Variants in BAZ2B observed in about 807,000 individuals in gnomAD.
BAZ2B encodes bromodomain adjacent to zinc finger domain 2B.
In BAZ2B, 91 loss-of-function variants were observed where a neutral mutation model predicts 246.0. The ratio of observed to expected loss-of-function variants is 0.37; its 90% confidence interval spans 0.31 to 0.44. BAZ2B has a LOEUF of 0.44. Ranked by LOEUF, BAZ2B falls within the 20% of genes least tolerant of loss-of-function variation. The pLI, the probability that BAZ2B is intolerant of heterozygous loss-of-function variation, is 1.00. For missense variants in BAZ2B, 2,332 were observed against 2,533.7 expected (o/e 0.92, Z 1.71); for synonymous variants, 855 against 860.0 (o/e 0.99, Z 0.10).
chr2:159,349,424 C>T (rs1212408264), intron 28 of BAZ2B, 144 bp from the exon 29 acceptor site: 2 of 958,808 alleles, frequency 2.1e-6, no homozygotes, highest in South Asian at 2.0e-5. Context: ...ACATTAGCAA[C>T]AAAAATGTTA....
At chr2:159,439,954 A>G (rs2150294803) in intron 6 of BAZ2B, among the ~76,000 whole-genome samples, 1 of 152,296 alleles carries the variant, frequency 6.6e-6, no homozygotes, top group South Asian at 2.1e-4. Context: ...AGCTGGTAGA[A>G]AGTGGTTATT....
intron 1 of BAZ2B, among the ~76,000 whole-genome samples, chr2:159,561,615 C>CA: frequency 6.6e-6 from 1 of 152,158 alleles, no homozygotes; most frequent in Admixed American, 6.5e-5. Context: ...TTTAATTACT[C>CA]AAATGTAAAT....
At chr2:159,513,150 T>C (rs995247038) in intron 2 of BAZ2B, among the ~76,000 whole-genome samples, 2 of 152,138 alleles carry the variant, frequency 1.3e-5, no homozygotes, top group African/African-American at 2.4e-5. Flanking sequence ...AATCAACATA[T>C]GTAAAAGCAG....
intron 1 of BAZ2B, among the ~76,000 whole-genome samples, chr2:159,577,489 T>A (rs1685633432): frequency 5.3e-5 from 8 of 152,200 alleles, no homozygotes; most frequent in Admixed American, 5.2e-4. Flanking sequence ...CTATTTTGAT[T>A]TCTTTAAATA....
chr2:159,398,816 C>T lies in BAZ2B; in HGVS notation c.2964+13G>A, dbSNP rs755071341. The T allele has an allele frequency of 1.9e-6, 3 of 1,606,524 alleles. No individual in the cohort carries two copies. Among genetic ancestry groups the T allele is most frequent in the Admixed American group, 3.4e-5 (2 of 59,682 alleles). The stretch of plus-strand genomic sequence containing the variant: ...TTTCAAAAATAAAAACTCTGATTCT[C>T]ATCTAAACTAACCTTTATTCGTTTC... On this transcript the variant is annotated intron_variant, in intron 18 of 36. Transcript: ENST00000392783.
chr2:159,358,377 T>A (rs750096307), intron 27 of BAZ2B, among the ~76,000 whole-genome samples: 4 of 152,180 alleles, frequency 2.6e-5, no homozygotes, highest in Non-Finnish European at 5.9e-5. Context: ...AGGCATTACA[T>A]AATGGTAAAG....
intron 3 of BAZ2B, among the ~76,000 whole-genome samples, chr2:159,457,592 C>G (rs1043391997): frequency 1.3e-5 from 2 of 152,188 alleles, no homozygotes. Flanking sequence ...AACACTGGCC[C>G]TTTATTCCTC....
chr2:159,348,428 T>C (rs1158974744), intron 30 of BAZ2B, among the ~76,000 whole-genome samples: 2 of 150,962 alleles, frequency 1.3e-5, no homozygotes, highest in African/African-American at 2.4e-5. Flanking sequence ...CCTGAGACAA[T>C]GTAGATGCTA....
chr2:159,422,916 A>C (rs1226442220), intron 13 of BAZ2B, among the ~76,000 whole-genome samples: 2 of 152,198 alleles, frequency 1.3e-5, no homozygotes, highest in Non-Finnish European at 2.9e-5. Flanking sequence ...AAAAAAAGAT[A>C]CATGGAGCCA....
At chr2:159,602,870 C>T (rs974767459) in intron 1 of BAZ2B, among the ~76,000 whole-genome samples, 1 of 152,212 alleles carries the variant, frequency 6.6e-6, no homozygotes, top group Admixed American at 6.5e-5. Context: ...GGCATTGTGG[C>T]TCACACCTAT....
chr2:159,429,248 C>T lies in BAZ2B; in HGVS notation c.2207G>A (p.Arg736Lys). ...TTCACGTTCATCTGTTACTCTTCTTCTTTTGGAAGTGCCTTTAAAAAAATT... is the reference window on the plus strand; with the variant it reads ...TTCACGTTCATCTGTTACTCTTCTTTTTTTGGAAGTGCCTTTAAAAAAATT... ...TSSPHSGTSKRRRVTDERELR... is the reference protein window; with the variant it reads ...TSSPHSGTSKKRRVTDERELR... Residue 736 changes from arginine (R) to lysine (K), a missense_variant, in exon 11 of 37, where the codon AGA becomes AAA. Transcript: ENST00000392783. 2 of 1,545,716 alleles carry T rather than the reference C, an allele frequency of 1.3e-6. No individual in the cohort carries two copies. The highest frequency in any genetic ancestry group is 1.8e-6 in the Non-Finnish European group (2 of 1,139,522).
chr2:159,707,279 G>A, the BAZ2B span, among the ~76,000 whole-genome samples: 19 of 152,252 alleles, frequency 1.2e-4, no homozygotes, highest in African/African-American at 4.6e-4. Flanking sequence ...GCTGGGCATC[G>A]TGGATCGCAC....
intron 34 of BAZ2B, 80 bp downstream of exon 34, chr2:159,332,460 C>T: frequency 7.2e-7 from 1 of 1,397,656 alleles, no homozygotes; most frequent in Non-Finnish European, 9.6e-7. Context: ...GCACTCCAGC[C>T]TGGGCAACTG....
At chr2:159,656,519 G>A in the BAZ2B span, among the ~76,000 whole-genome samples, 8 of 151,950 alleles carry the variant, frequency 5.3e-5, no homozygotes, top group African/African-American at 7.3e-5. Flanking sequence ...ACCCCTTGAC[G>A]ACCACTGCTC....
the BAZ2B span, among the ~76,000 whole-genome samples, chr2:159,692,320 C>A: frequency 6.6e-6 from 1 of 151,856 alleles, no homozygotes; most frequent in Non-Finnish European, 1.5e-5. Context: ...CCATGGCCAG[C>A]TAATTTTTTG....
chr2:159,379,962 G>C (rs1186751910), intron 25 of BAZ2B, among the ~76,000 whole-genome samples: 1 of 151,836 alleles, frequency 6.6e-6, no homozygotes, highest in Non-Finnish European at 1.5e-5. Flanking sequence ...TCTTTTATAT[G>C]TGTCCATTTT....
chr2:159,382,631 C>T lies in BAZ2B; in HGVS notation c.3933G>A (p.Gly1311=), dbSNP rs2062128256. The T allele has an allele frequency of 3.2e-6, 5 of 1,575,616 alleles. No individual in the cohort carries two copies. Among genetic ancestry groups the T allele is most frequent in the Non-Finnish European group, 4.3e-6 (5 of 1,157,754 alleles). ...DDDDDDSDDQ[G]DEDDEDEEDK... ...CTTCTTCATCCTCATCATCTTCATC[C>T]CCTTGGTCATCACTGTCATCGTCAT... The change falls in exon 25 of 37, where the codon GGG becomes GGA. Residue 1311 remains glycine, a synonymous_variant. Transcript: ENST00000392783.
intron 11 of BAZ2B, among the ~76,000 whole-genome samples, chr2:159,428,778 C>T (rs542131521): frequency 2.6e-5 from 4 of 152,194 alleles, no homozygotes; most frequent in South Asian, 2.1e-4. Context: ...TTGGGGTTCA[C>T]GTACATCCAG....
At position 159,397,338 on chromosome 2, in the gene BAZ2B, T is replaced by G; in HGVS notation, c.3009+7A>C. 6.5e-7 allele frequency: 1 copy of G among 1,541,686 alleles called. No individual in the cohort carries two copies. The highest frequency in any genetic ancestry group is 1.2e-5 in the South Asian group (1 of 83,320). On this transcript the variant is annotated splice_region_variant and intron_variant, in intron 19 of 36. Coordinates refer to ENST00000392783, the MANE Select transcript of BAZ2B (RefSeq NM_013450.4). The stretch of plus-strand genomic sequence containing the variant: ...TTCAACAATTGTATAACTATACATA[T>G]ACAGACCTGATGTTTCAGAAGAACA...
Sources: gnomAD v4.1 joint callset for allele counts (sites outside exome capture counted in the v4.1 genomes callset) on GRCh38, gnomAD v4.1.1 for gene constraint, MANE v1.5 for transcripts, NCBI Gene and HGNC (gene_info 2026-07-23, HGNC 2026-07-21) for gene names.